The following KCNT2 variants were observed in gnomAD, a reference collection of about 807,000 sequenced individuals.
The protein encoded by KCNT2 is potassium channel subfamily T member 2.
A neutral mutation model predicts 153.8 loss-of-function variants in KCNT2; 67 were observed. That is an observed-to-expected ratio of 0.44 (90% CI 0.36 to 0.53). KCNT2 has a LOEUF of 0.53. Among genes scored for constraint, KCNT2 ranks in the 20% least tolerant of loss-of-function variants. KCNT2 has a pLI of 0.00. For missense variants in KCNT2, 975 were observed against 1,354.8 expected, an observed-to-expected ratio of 0.72 and a Z score of 4.40; for synonymous variants, 500 against 458.8, an observed-to-expected ratio of 1.09 and a Z score of -1.15.
intron 14 of KCNT2, among the ~76,000 whole-genome samples, chr1:196,345,399 T>G (rs1006327767): frequency 1.7e-4 from 25 of 151,358 alleles, no homozygotes; most frequent in African/African-American, 6.0e-4. Flanking sequence ...CCTGAGACAG[T>G]TAATGCTTGA....
In KCNT2 at chr1:196,390,906, TTTA is replaced by T. The variant is rs1268204749; in HGVS notation, c.1294+7654_1294+7656del. On this transcript the variant is annotated intron_variant, in intron 13 of 27. Coordinates refer to ENST00000294725, the MANE Select transcript of KCNT2 (RefSeq NM_198503.5). Reference sequence around the variant, plus strand: ...TCATTCATTCTTTTTTTTTTTTTTTTTTAAAAAAAAACATATGTTAGGAGACTC... The same window carrying T: ...TCATTCATTCTTTTTTTTTTTTTTTTAAAAAAAACATATGTTAGGAGACTC... Among the ~76,000 whole-genome samples the T allele has an allele frequency of 5.6e-4, 83 of 148,986 alleles. 1 individual carries two copies. The highest frequency in any genetic ancestry group is 3.0e-4 in the Non-Finnish European group (20 of 66,918).
At chr1:196,467,221 G>A (rs548649158) in intron 7 of KCNT2, among the ~76,000 whole-genome samples, 1 of 152,108 alleles carries the variant, frequency 6.6e-6, no homozygotes, top group South Asian at 2.1e-4. Context: ...TGGCTAAGTG[G>A]TTGAACCAGT....
chr1:196,228,297 T>C lies in KCNT2; in HGVS notation c.3335A>G (p.Asn1112Ser). Residue 1112 changes from asparagine to serine, a missense_variant, in exon 28 of 28, where the codon AAC (asparagine) becomes AGC (serine). Physicochemically the swap from Asn to Ser is conservative, Grantham distance 46 (BLOSUM62 1). Coordinates refer to ENST00000294725, the MANE Select transcript of KCNT2 (RefSeq NM_198503.5). Reference sequence around the variant, plus strand: ...GCTGTTTCTTCGACTGGGCTCACTGTTTGGAAGGTAGGCCAGTGGATCTGG... The same window carrying C: ...GCTGTTTCTTCGACTGGGCTCACTGCTTGGAAGGTAGGCCAGTGGATCTGG... ...IRPDPLAYLPNSEPSRRNSIC... is the reference protein window; with the variant it reads ...IRPDPLAYLPSSEPSRRNSIC... 1 of 1,610,580 alleles carries C rather than the reference T, an allele frequency of 6.2e-7. No homozygotes were observed. The highest frequency in any genetic ancestry group is 8.5e-7 in the Non-Finnish European group (1 of 1,177,672).
intron 19 of KCNT2, among the ~76,000 whole-genome samples, chr1:196,325,566 G>C (rs2148066354): frequency 6.6e-6 from 1 of 152,170 alleles, no homozygotes; most frequent in South Asian, 2.1e-4. Context: ...TATTGCCATA[G>C]CCATCCCACA....
At chr1:196,324,402 G>A (rs1663640002) in intron 19 of KCNT2, among the ~76,000 whole-genome samples, 1 of 151,896 alleles carries the variant, frequency 6.6e-6, no homozygotes, top group African/African-American at 2.4e-5. Context: ...CATGAAAAAG[G>A]TCATTCACCT....
Position 196,513,590 on chromosome 1 carries a change from C to T in KCNT2, c.96-21249G>A, listed in dbSNP as rs146265638. 5.9e-5 allele frequency among the ~76,000 whole-genome samples: 9 copies of T among 152,272 alleles called. No individual in the cohort carries two copies. The South Asian group carries it at 1.0e-3, about 18-fold the overall frequency. ...TTAAGAAAAAAATGAACAACTCTTA[C>T]GTTAACTAAGCTCTCTTTTGCCTTG... is the stretch of plus-strand genomic sequence containing the variant. On this transcript the variant is annotated intron_variant, in intron 1 of 27. Transcript: ENST00000294725.
intron 26 of KCNT2, among the ~76,000 whole-genome samples, chr1:196,251,771 A>AAGC (rs1201506714): frequency 6.6e-6 from 1 of 152,004 alleles, no homozygotes; most frequent in African/African-American, 2.4e-5. Flanking sequence ...GTTATAACAC[A>AAGC]AAGAAATAAT....
intron 1 of KCNT2, among the ~76,000 whole-genome samples, chr1:196,532,476 A>T (rs10801545): frequency 0.98 from 149,437 of 152,018 alleles, 73,493 homozygotes; most frequent in Middle Eastern, 1. Context: ...GGGAAAAAAA[A>T]ATCTATATAA....
chr1:196,484,119 A>T lies in KCNT2; in HGVS notation c.276-1740T>A, dbSNP rs113805535. On this transcript the variant is annotated intron_variant, in intron 3 of 27. Coordinates refer to ENST00000294725, the MANE Select transcript of KCNT2 (RefSeq NM_198503.5). The stretch of plus-strand genomic sequence containing the variant: ...TAGGTAGCAATCTCTGGAAAAAATT[A>T]TAAAATAAGTTGCTGAACAGAAGTG... Among the ~76,000 whole-genome samples the T allele has an allele frequency of 1.5e-3, 229 of 152,272 alleles. 2 individuals carry two copies. The highest frequency in any genetic ancestry group is 5.3e-3 in the African/African-American group (222 of 41,562).
At chr1:196,360,104 A>T (rs77278520) in intron 14 of KCNT2, among the ~76,000 whole-genome samples, 4,292 of 152,174 alleles carry the variant, frequency 0.028, 203 homozygotes, top group African/African-American at 0.098. Flanking sequence ...TTTCTCAGTC[A>T]AGTAGATTTT....
intron 3 of KCNT2, among the ~76,000 whole-genome samples, chr1:196,488,981 T>C (rs1679650751): frequency 6.6e-6 from 1 of 151,980 alleles, no homozygotes. Context: ...ACAATACCCA[T>C]AAGGATTTTA....
rs1196800425 is a variant in KCNT2 at position 196,226,315 on chromosome 1, G to C, written c.*1909C>G. ...CTCTTGATATGCAAATATAAAACAAGTTCATAAAATTTATTGTTTTTCTCT... is the reference window on the plus strand; with the variant it reads ...CTCTTGATATGCAAATATAAAACAACTTCATAAAATTTATTGTTTTTCTCT... On this transcript the variant is annotated 3_prime_UTR_variant, in exon 28 of 28. Transcript: ENST00000294725. 1 of 151,826 alleles carries C rather than the reference G, an allele frequency of 6.6e-6. No homozygotes were observed. The highest frequency in any genetic ancestry group is 2.4e-5 in the African/African-American group (1 of 41,380). The allele number at this position is 151,826 out of a possible 1,614,324, so 9.4% of individuals were successfully genotyped here.
chr1:196,329,879 ATGTGTGTGTGTGTG>A (rs57881763), intron 18 of KCNT2, among the ~76,000 whole-genome samples: 113 of 124,788 alleles, frequency 9.1e-4, no homozygotes, highest in Non-Finnish European at 1.4e-3. Context: ...ATACACTTAT[ATGTGTGTGTGTGTG>A]TGTGTGTGTG....
At chr1:196,252,709 C>A (rs1204034552) in intron 26 of KCNT2, among the ~76,000 whole-genome samples, 1 of 151,548 alleles carries the variant, frequency 6.6e-6, no homozygotes, top group African/African-American at 2.4e-5. Context: ...TTCCACCTGG[C>A]ATCATTTTTC....
chr1:196,322,298 G>A (rs1212637794), intron 19 of KCNT2, among the ~76,000 whole-genome samples: 1 of 151,768 alleles, frequency 6.6e-6, no homozygotes, highest in African/African-American at 2.4e-5. Context: ...TACAAAATTT[G>A]TAGACCACAG....
intron 1 of KCNT2, among the ~76,000 whole-genome samples, chr1:196,541,442 A>G (rs2148873694): frequency 6.6e-6 from 1 of 152,198 alleles, no homozygotes; most frequent in African/African-American, 2.4e-5. Context: ...AATATAATGA[A>G]TAGGAATGTT....
In KCNT2 at chr1:196,608,420, G is replaced by A; in HGVS notation, c.-111C>T. 2.5e-6 allele frequency: 2 copies of A among 811,164 alleles called. No homozygotes were observed. Among genetic ancestry groups the A allele is most frequent in the East Asian group, 2.6e-5 (1 of 38,480 alleles). 50.2% of individuals were successfully genotyped at this position (811,164 alleles called of 1,614,324 possible). On this transcript the variant is annotated 5_prime_UTR_variant, in exon 1 of 28. Coordinates refer to ENST00000294725, the MANE Select transcript of KCNT2 (RefSeq NM_198503.5). ...GACTAACAAGACGCTGTGGCCGAGAGAGGGATGGGAGAAGGGGAAGGGGAC... is the reference window on the plus strand; with the variant it reads ...GACTAACAAGACGCTGTGGCCGAGAAAGGGATGGGAGAAGGGGAAGGGGAC...
intron 1 of KCNT2, among the ~76,000 whole-genome samples, chr1:196,576,140 G>A (rs1173105432): frequency 6.6e-6 from 1 of 150,500 alleles, no homozygotes; most frequent in African/African-American, 2.4e-5. Context: ...TCCTAACATC[G>A]ATGCTAAATA....
intron 1 of KCNT2, among the ~76,000 whole-genome samples, chr1:196,603,609 TC>T (rs1323206407): frequency 5.9e-5 from 9 of 152,234 alleles, no homozygotes; most frequent in Non-Finnish European, 1.3e-4. Context: ...TATGTTCAAA[TC>T]CTTTAATGTT....
Sources: gnomAD v4.1 joint callset for allele counts (sites outside exome capture counted in the v4.1 genomes callset) on GRCh38, gnomAD v4.1.1 for gene constraint, MANE v1.5 for transcripts, NCBI Gene and HGNC (gene_info 2026-07-23, HGNC 2026-07-21) for gene names.